Variants in NT5C3A observed in about 807,000 individuals in gnomAD.
NT5C3A encodes 5'-nucleotidase, cytosolic IIIA.
NT5C3A carries 23 observed loss-of-function variants against 40.0 expected under a neutral mutation model. The observed-to-expected ratio is 0.58, with a 90% CI of 0.41 to 0.81. NT5C3A has a LOEUF of 0.81. Among genes scored for constraint, NT5C3A ranks in the 40% least tolerant of loss-of-function variants. The probability of loss-of-function intolerance (pLI) is 0.00; values close to 1 mark genes in which losing one functional copy is unlikely to be tolerated. For synonymous variants in NT5C3A, 130 were observed against 141.4 expected (o/e 0.92, Z 0.57); for missense variants, 328 against 403.0 (o/e 0.81, Z 1.59).
intron 1 of NT5C3A, among the ~76,000 whole-genome samples, chr7:33,033,896 T>TATAA (rs10691796): frequency 0.15 from 17,443 of 119,650 alleles, 1,222 homozygotes; most frequent in Non-Finnish European, 0.18. Context: ...ATATATATAA[T>TATAA]TTTTTTTTTT....
chr7:33,051,107 C>T (rs921324883), intron 1 of NT5C3A, among the ~76,000 whole-genome samples: 2 of 152,152 alleles, frequency 1.3e-5, no homozygotes, highest in African/African-American at 4.8e-5. Flanking sequence ...ATATATCTCT[C>T]TCTTTAATAA....
Position 33,017,519 on chromosome 7 carries a change from G to A in NT5C3A, c.613C>T (p.Leu205=), listed in dbSNP as rs773411275. 5 of 1,613,446 alleles carry A rather than the reference G, an allele frequency of 3.1e-6. No homozygotes were observed. The highest frequency in any genetic ancestry group is 4.2e-6 in the Non-Finnish European group (5 of 1,179,400). ...CCAGCTTGACGAATAACTTCCTCTA[G>A]TACATCGCCGATTCCAGCCGAAAAT... ...FIFSAGIGDV[L]EEVIRQAGVY... Residue 205 remains leucine, a synonymous_variant, in exon 7 of 9, where the codon CTA becomes TTA. Transcript: ENST00000610140.
intron 1 of NT5C3A, among the ~76,000 whole-genome samples, chr7:33,059,470 C>T (rs1787697766): frequency 6.6e-6 from 1 of 152,146 alleles, no homozygotes; most frequent in Admixed American, 6.6e-5. Flanking sequence ...ATAATATAAC[C>T]AGAATCAGCA....
intron 1 of NT5C3A, among the ~76,000 whole-genome samples, chr7:33,059,042 T>C (rs1787676576): frequency 6.6e-6 from 1 of 152,222 alleles, no homozygotes; most frequent in African/African-American, 2.4e-5. Context: ...TTTCCTGTTA[T>C]TCCACCTCTG....
chr7:33,021,792 C>A, intron 4 of NT5C3A: 1 of 482,388 alleles, frequency 2.1e-6, no homozygotes, highest in Non-Finnish European at 3.7e-6. Context: ...AACGTTACAA[C>A]ACCAGAATAC....
intron 7 of NT5C3A, 197 bp downstream of exon 7, chr7:33,017,242 G>A: frequency 1.8e-6 from 1 of 569,162 alleles, no homozygotes; most frequent in Non-Finnish European, 3.1e-6. Context: ...ATAGCTTGGG[G>A]AATGAAAGTT....
At chr7:33,042,941 C>T (rs1786992503) in intron 1 of NT5C3A, among the ~76,000 whole-genome samples, 3 of 152,324 alleles carry the variant, frequency 2.0e-5, no homozygotes, top group South Asian at 4.1e-4. Flanking sequence ...TAAAATTATA[C>T]TGCTCTTAAA....
intron 1 of NT5C3A, among the ~76,000 whole-genome samples, chr7:33,051,903 T>C (rs1234635069): frequency 6.6e-6 from 1 of 152,178 alleles, no homozygotes; most frequent in Non-Finnish European, 1.5e-5. Context: ...TTGTTGCTTT[T>C]AAAAAACCGA....
intron 1 of NT5C3A, among the ~76,000 whole-genome samples, chr7:33,061,315 G>A (rs1787768042): frequency 2.0e-5 from 3 of 152,326 alleles, no homozygotes; most frequent in South Asian, 4.1e-4. Flanking sequence ...TAAGCCTTTA[G>A]AATTATTAAG....
At chr7:33,052,515 T>C (rs1418693090) in intron 1 of NT5C3A, among the ~76,000 whole-genome samples, 2 of 142,242 alleles carry the variant, frequency 1.4e-5, no homozygotes, top group African/African-American at 2.6e-5. Flanking sequence ...AAAAAAGTTA[T>C]ACAGATTTTT....
chr7:33,038,907 A>G (rs893473517), intron 1 of NT5C3A: 11 of 456,408 alleles, frequency 2.4e-5, no homozygotes, highest in Admixed American at 4.7e-5. Context: ...AAAAATAGAA[A>G]ATACTGCCCT....
At chr7:33,061,289 G>C (rs1787766703) in intron 1 of NT5C3A, among the ~76,000 whole-genome samples, 1 of 152,204 alleles carries the variant, frequency 6.6e-6, no homozygotes, top group African/African-American at 2.4e-5. Flanking sequence ...ACAGATGTGG[G>C]ACAAATGAAT....
rs543501484 is a variant in NT5C3A at position 33,016,758 on chromosome 7, A to G, written c.693+681T>C. On this transcript the variant is annotated intron_variant, in intron 7 of 8. Coordinates refer to ENST00000610140, the MANE Select transcript of NT5C3A (RefSeq NM_001002010.5). ...GTTTCTAACCAAAATATCCTATTTTATGTTATTTTATGTATTTCATAATAT... is the reference window on the plus strand; with the variant it reads ...GTTTCTAACCAAAATATCCTATTTTGTGTTATTTTATGTATTTCATAATAT... 4.0e-4 allele frequency among the ~76,000 whole-genome samples: 61 copies of G among 151,630 alleles called. 1 individual carries two copies. The South Asian group carries it at 0.013, about 32-fold the overall frequency.
At chr7:33,030,150 G>C (rs1483921853) in intron 1 of NT5C3A, among the ~76,000 whole-genome samples, 2 of 152,140 alleles carry the variant, frequency 1.3e-5, no homozygotes, top group African/African-American at 2.4e-5. Context: ...GAGATATGGG[G>C]TATTTTACTC....
chr7:33,031,902 A>G (rs1786280616), intron 1 of NT5C3A, among the ~76,000 whole-genome samples: 1 of 152,192 alleles, frequency 6.6e-6, no homozygotes, highest in African/African-American at 2.4e-5. Flanking sequence ...AGGCCAGTGG[A>G]TCACCTAAGG....
rs545035787 is a variant in NT5C3A at position 33,018,895 on chromosome 7, T to C, written c.530+740A>G. 8.5e-5 allele frequency among the ~76,000 whole-genome samples: 13 copies of C among 152,238 alleles called. No individual in the cohort carries two copies. In the South Asian group the frequency reaches 2.7e-3, roughly 32 times the overall value. Reference sequence around the variant, plus strand: ...TAACTCATGCATACATATATAATTATGTACTAAAACATACTAATCTTTCCT... The same window carrying C: ...TAACTCATGCATACATATATAATTACGTACTAAAACATACTAATCTTTCCT... On this transcript the variant is annotated intron_variant, in intron 6 of 8. Coordinates refer to ENST00000610140, the MANE Select transcript of NT5C3A (RefSeq NM_001002010.5).
chr7:33,040,786 C>T (rs1786875129), intron 1 of NT5C3A: 15 of 695,792 alleles, frequency 2.2e-5, no homozygotes, highest in Non-Finnish European at 2.7e-5. Context: ...TCAAAATGCC[C>T]AAAATTTCAG....
chr7:33,051,131 T>C (rs1262212677), intron 1 of NT5C3A, among the ~76,000 whole-genome samples: 3 of 152,238 alleles, frequency 2.0e-5, no homozygotes, highest in South Asian at 2.1e-4. Context: ...TCTCTAAATA[T>C]GTAATACCTG....
chr7:33,035,919 T>C (rs1055272861), intron 1 of NT5C3A: 2 of 1,603,426 alleles, frequency 1.2e-6, no homozygotes, highest in African/African-American at 2.7e-5. Context: ...GAACTGGAAA[T>C]AGGCAAATAC....
Sources: allele counts gnomAD v4.1 joint callset (sites outside exome capture counted in the v4.1 genomes callset), GRCh38; gene constraint gnomAD v4.1.1; transcripts MANE v1.5; gene names NCBI Gene and HGNC (gene_info 2026-07-23, HGNC 2026-07-21).